ZNF385D: variants seen among roughly 807,000 people sequenced by gnomAD.
ZNF385D encodes zinc finger protein 659.
In ZNF385D, 15 loss-of-function variants were observed where a neutral mutation model predicts 35.8. The ratio of observed to expected loss-of-function variants is 0.42; its 90% CI spans 0.28 to 0.64. The LOEUF is 0.64. Ranked by LOEUF, ZNF385D falls within the 30% of genes least tolerant of loss-of-function variation. The pLI is 0.23. For missense variants in ZNF385D, 474 were observed against 494.6 expected, an observed-to-expected ratio of 0.96 and a Z score of 0.39; for synonymous variants, 212 against 186.8, an observed-to-expected ratio of 1.13 and a Z score of -1.10.
intron 2 of ZNF385D, among the ~76,000 whole-genome samples, chr3:22,231,902 A>C (rs1390302563): frequency 1.3e-5 from 2 of 151,992 alleles, no homozygotes; most frequent in African/African-American, 4.8e-5. Context: ...CTGGTTGTTT[A>C]AGAGTATATG....
intron 3 of ZNF385D, among the ~76,000 whole-genome samples, chr3:22,073,204 CAAATAAT>C (rs1031632556): frequency 4.0e-5 from 6 of 151,790 alleles, no homozygotes; most frequent in African/African-American, 1.5e-4. Flanking sequence ...GTTTAAGTCC[CAAATAAT>C]TAATTAAAAT....
intron 2 of ZNF385D, among the ~76,000 whole-genome samples, chr3:22,256,540 A>C (rs1184846772): frequency 6.6e-6 from 1 of 151,834 alleles, no homozygotes; most frequent in African/African-American, 2.4e-5. Context: ...TTTGGAATCT[A>C]TGTGGGTATA....
intron 3 of ZNF385D, among the ~76,000 whole-genome samples, chr3:22,090,604 A>C (rs935481891): frequency 3.9e-5 from 6 of 152,200 alleles, no homozygotes; most frequent in African/African-American, 1.4e-4. Context: ...CAGGACCGAT[A>C]TTGCTAAATT....
At chr3:21,970,425 G>T (rs1576040497) in intron 3 of ZNF385D, among the ~76,000 whole-genome samples, 1 of 151,056 alleles carries the variant, frequency 6.6e-6, no homozygotes, top group Non-Finnish European at 1.5e-5. Flanking sequence ...AATGCATTAG[G>T]GTCTCTTAAC....
intron 2 of ZNF385D, among the ~76,000 whole-genome samples, chr3:22,240,379 C>T (rs1446483394): frequency 6.6e-6 from 1 of 150,792 alleles, no homozygotes; most frequent in Non-Finnish European, 1.5e-5. Context: ...CCAGGTATCT[C>T]CCTCTCACTA....
chr3:21,629,757 C>T (rs2065230258), intron 2 of ZNF385D, among the ~76,000 whole-genome samples: 1 of 152,116 alleles, frequency 6.6e-6, no homozygotes. Flanking sequence ...AGATGCAATA[C>T]ACATCACAAA....
At chr3:22,236,481 G>C (rs1699191209) in intron 2 of ZNF385D, among the ~76,000 whole-genome samples, 1 of 152,090 alleles carries the variant, frequency 6.6e-6, no homozygotes, top group Non-Finnish European at 1.5e-5. Flanking sequence ...ACAGGCATAA[G>C]TTACCACATG....
chr3:21,664,422 T>C (rs1025450328), intron 2 of ZNF385D, among the ~76,000 whole-genome samples: 19 of 152,344 alleles, frequency 1.2e-4, no homozygotes, highest in African/African-American at 4.6e-4. Context: ...GGGAAGAAAG[T>C]GCTGTATACT....
chr3:22,125,131 T>C (rs1354698319), intron 3 of ZNF385D, among the ~76,000 whole-genome samples: 1 of 152,170 alleles, frequency 6.6e-6, no homozygotes, highest in Non-Finnish European at 1.5e-5. Context: ...TTCTTTTGCA[T>C]ACATATGTTC....
In ZNF385D at chr3:22,320,345, C is replaced by T. The variant is rs536128983; in HGVS notation, c.106+52105G>A. 9.9e-5 allele frequency among the ~76,000 whole-genome samples: 15 copies of T among 152,168 alleles called. No homozygotes were observed. In the South Asian group the frequency reaches 3.1e-3, roughly 32 times the overall value. ...ATAACTGGTCCCAAATTCTTCCTTT[C>T]AGTCATTATGAATGCAATTAATTCT... On this transcript the variant is annotated intron_variant, in intron 2 of 5. Coordinates refer to the ZNF385D transcript ENST00000494108.
At chr3:22,169,583 C>T (rs921697971) in intron 2 of ZNF385D, among the ~76,000 whole-genome samples, 2 of 152,160 alleles carry the variant, frequency 1.3e-5, no homozygotes, top group Admixed American at 6.5e-5. Context: ...GATACTAACA[C>T]TCTTTCAATA....
rs146560522 is a variant in ZNF385D, at chr3:21,738,313, G to A, written c.22+12582C>T. Among the ~76,000 whole-genome samples the A allele has an allele frequency of 2.9e-3, 446 of 152,274 alleles. 1 individual carries two copies. The highest frequency in any genetic ancestry group is 0.01 in the African/African-American group (423 of 41,546). On this transcript the variant is annotated intron_variant, in intron 1 of 7. Coordinates refer to ENST00000281523, the MANE Select transcript of ZNF385D (RefSeq NM_024697.3). The stretch of plus-strand genomic sequence containing the variant: ...TGTGTTATGCAGCCAGACATCTTGG[G>A]TATGATCTGACTTGGCCACTGATTT...
intron 2 of ZNF385D, among the ~76,000 whole-genome samples, chr3:22,326,961 AT>A (rs1694705446): frequency 6.6e-6 from 1 of 152,200 alleles, no homozygotes; most frequent in Non-Finnish European, 1.5e-5. Flanking sequence ...TCCTTGGAAC[AT>A]TTGCAAGTTC....
At chr3:21,428,507 T>C (rs919556868) in intron 5 of ZNF385D, among the ~76,000 whole-genome samples, 35 of 152,148 alleles carry the variant, frequency 2.3e-4, no homozygotes, top group Admixed American at 6.6e-5. Context: ...TCTATTTTGT[T>C]AATACTGTCT....
chr3:22,348,609 G>A (rs991347652), intron 2 of ZNF385D, among the ~76,000 whole-genome samples: 3 of 150,372 alleles, frequency 2.0e-5, no homozygotes, highest in African/African-American at 7.3e-5. Context: ...AAGTTGCGGT[G>A]AGCCGAGATC....
intron 3 of ZNF385D, among the ~76,000 whole-genome samples, chr3:22,094,407 T>TATATATATATATATAA (rs1701505545): frequency 1.2e-5 from 1 of 81,186 alleles, no homozygotes; most frequent in Non-Finnish European, 2.9e-5. Flanking sequence ...TATATATATA[T>TATATATATATATATAA]ATAAAGGCAT....
intron 3 of ZNF385D, among the ~76,000 whole-genome samples, chr3:21,975,702 A>AATAT (rs56303677): frequency 8.1e-4 from 100 of 123,920 alleles, no homozygotes; most frequent in Admixed American, 1.7e-3. Context: ...GTACCCACGA[A>AATAT]ATATATATAT....
intron 1 of ZNF385D, among the ~76,000 whole-genome samples, chr3:21,740,249 T>C (rs2069446865): frequency 6.6e-6 from 1 of 152,096 alleles, no homozygotes; most frequent in Admixed American, 6.5e-5. Context: ...GTGCATAAAG[T>C]GGTAGCTCAT....
intron 3 of ZNF385D, among the ~76,000 whole-genome samples, chr3:22,110,965 T>C (rs1370392633): frequency 6.6e-6 from 1 of 151,944 alleles, no homozygotes; most frequent in Non-Finnish European, 1.5e-5. Context: ...TGAAAAGTGA[T>C]GTCTGAAGAC....
Sources: allele counts gnomAD v4.1 joint callset (sites outside exome capture counted in the v4.1 genomes callset), GRCh38; gene constraint gnomAD v4.1.1; transcripts MANE v1.5; gene names NCBI Gene and HGNC (gene_info 2026-07-23, HGNC 2026-07-21).